The following FHIT variants were observed in gnomAD, a reference collection of about 807,000 sequenced individuals.
FHIT encodes fragile histidine triad diadenosine triphosphatase.
FHIT carries 19 observed loss-of-function variants against 17.9 expected under a neutral mutation model. That is an observed-to-expected ratio of 1.06 (90% CI 0.74 to 1.56). FHIT has a LOEUF of 1.56. Among genes scored for constraint, FHIT ranks in the 40% most tolerant of loss-of-function variants. FHIT has a pLI of 0.00. For synonymous variants in FHIT, 81 were observed against 69.7 expected (o/e 1.16, Z -0.81); for missense variants, 248 against 189.2 (o/e 1.31, Z -1.82).
At chr3:61,235,431 A>G (rs1291475641) in intron 1 of FHIT, among the ~76,000 whole-genome samples, 2 of 152,220 alleles carry the variant, frequency 1.3e-5, no homozygotes, top group African/African-American at 2.4e-5. Context: ...CTAATTTAAA[A>G]AAAAAAAGTA....
At chr3:60,492,253 A>G (rs1229326055) in intron 5 of FHIT, among the ~76,000 whole-genome samples, 1 of 152,214 alleles carries the variant, frequency 6.6e-6, no homozygotes, top group African/African-American at 2.4e-5. Context: ...AACAGTAGCT[A>G]TCTGAAAATA....
intron 5 of FHIT, among the ~76,000 whole-genome samples, chr3:60,196,744 T>G (rs1268953599): frequency 6.6e-6 from 1 of 151,994 alleles, no homozygotes; most frequent in South Asian, 2.1e-4. Flanking sequence ...TACACATATA[T>G]ACATGCACAC....
chr3:59,839,360 T>C (rs1171375981), intron 8 of FHIT, among the ~76,000 whole-genome samples: 1 of 151,540 alleles, frequency 6.6e-6, no homozygotes, highest in Non-Finnish European at 1.5e-5. Context: ...GAAAACCACC[T>C]CTTATCATTA....
intron 8 of FHIT, among the ~76,000 whole-genome samples, chr3:59,894,663 T>C (rs531814199): frequency 6.6e-6 from 1 of 152,280 alleles, no homozygotes; most frequent in South Asian, 2.1e-4. Context: ...TTCTGTAGTA[T>C]GTTTGGACCG....
intron 5 of FHIT, among the ~76,000 whole-genome samples, chr3:60,058,028 G>A (rs931274648): frequency 6.6e-6 from 1 of 151,122 alleles, no homozygotes; most frequent in African/African-American, 2.4e-5. Flanking sequence ...GAATAGGCAA[G>A]CTTACAGAGA....
At chr3:60,036,697 A>G (rs948691031) in intron 5 of FHIT, among the ~76,000 whole-genome samples, 8 of 152,264 alleles carry the variant, frequency 5.3e-5, no homozygotes, top group African/African-American at 1.9e-4. Flanking sequence ...TCCTTTACAT[A>G]GCTGTATTCA....
rs1700725620 is a variant in FHIT at position 59,748,719 on chromosome 3, G to A, written c.*866C>T. Among the ~76,000 whole-genome samples, 1 of 152,118 alleles carries A rather than the reference G, an allele frequency of 6.6e-6. No homozygotes were observed. Among genetic ancestry groups the A allele is most frequent in the South Asian group, 2.1e-4 (1 of 4,822 alleles). On this transcript the variant is annotated 3_prime_UTR_variant, in exon 10 of 10. Transcript: ENST00000492590. Reference sequence around the variant, plus strand: ...GCAAGGAGGGCAGTACACAGACTAAGAGAATGGCCTTTAGGGTGGGACTGC... The same window carrying A: ...GCAAGGAGGGCAGTACACAGACTAAAAGAATGGCCTTTAGGGTGGGACTGC...
intron 3 of FHIT, among the ~76,000 whole-genome samples, chr3:60,916,208 C>A (rs1455889337): frequency 6.6e-6 from 1 of 152,114 alleles, no homozygotes; most frequent in Non-Finnish European, 1.5e-5. Context: ...AAATGCAATG[C>A]CATGGCGAAT....
chr3:60,320,801 G>A (rs1459403705), intron 5 of FHIT, among the ~76,000 whole-genome samples: 1 of 151,992 alleles, frequency 6.6e-6, no homozygotes, highest in Non-Finnish European at 1.5e-5. Context: ...TTGAAATGGA[G>A]GAACATATTA....
chr3:60,422,654 A>G (rs1199981054), intron 5 of FHIT, among the ~76,000 whole-genome samples: 1 of 152,148 alleles, frequency 6.6e-6, no homozygotes, highest in Non-Finnish European at 1.5e-5. Flanking sequence ...TGTTAGACAT[A>G]AAAATGGCTT....
intron 2 of FHIT, among the ~76,000 whole-genome samples, chr3:61,150,705 AG>A (rs1358991922): frequency 6.6e-6 from 1 of 152,222 alleles, no homozygotes; most frequent in Non-Finnish European, 1.5e-5. Context: ...TTTAAACTGA[AG>A]GAATAATGTA....
Position 59,750,668 on chromosome 3 carries a change from A to C in FHIT, c.*6-1089T>G, listed in dbSNP as rs932424767. 5 of 220,410 alleles carry C rather than the reference A, an allele frequency of 2.3e-5. No individual in the cohort carries two copies. In the East Asian group the frequency reaches 3.3e-4, roughly 15 times the overall value. 13.7% of individuals were successfully genotyped at this position (220,410 alleles called of 1,614,324 possible). ...AAGCTTTCTAGAATGCAAGGATCTGAGTACAACACCATATTTGAACAACAA... is the reference window on the plus strand; with the variant it reads ...AAGCTTTCTAGAATGCAAGGATCTGCGTACAACACCATATTTGAACAACAA... On this transcript the variant is annotated intron_variant, in intron 9 of 9. Transcript: ENST00000492590.
intron 5 of FHIT, among the ~76,000 whole-genome samples, chr3:60,065,106 T>C (rs1702446653): frequency 6.6e-6 from 1 of 152,060 alleles, no homozygotes; most frequent in African/African-American, 2.4e-5. Flanking sequence ...CAAAGAGCAA[T>C]CAACTCACAA....
chr3:60,427,983 G>T (rs1702736818), intron 5 of FHIT, among the ~76,000 whole-genome samples: 1 of 151,990 alleles, frequency 6.6e-6, no homozygotes, highest in Non-Finnish European at 1.5e-5. Context: ...CCAATAATTG[G>T]CCAACTCCTG....
intron 8 of FHIT, among the ~76,000 whole-genome samples, chr3:59,792,308 T>C (rs1697980992): frequency 6.6e-6 from 1 of 152,132 alleles, no homozygotes; most frequent in African/African-American, 2.4e-5. Context: ...AAGAAACAGA[T>C]GATGCAAAAT....
At chr3:60,494,293 G>C (rs1244801913) in intron 5 of FHIT, among the ~76,000 whole-genome samples, 1 of 152,052 alleles carries the variant, frequency 6.6e-6, no homozygotes, top group East Asian at 1.9e-4. Context: ...CACATAAATT[G>C]TATCACATAA....
intron 4 of FHIT, among the ~76,000 whole-genome samples, chr3:60,649,116 G>A (rs1483748615): frequency 5.9e-5 from 9 of 152,088 alleles, no homozygotes; most frequent in African/African-American, 1.9e-4. Flanking sequence ...TCTTCATTGC[G>A]GCCGGGCGCG....
intron 5 of FHIT, among the ~76,000 whole-genome samples, chr3:60,214,405 G>A (rs1703601003): frequency 6.6e-6 from 1 of 152,060 alleles, no homozygotes; most frequent in African/African-American, 2.4e-5. Context: ...AAAAAGCATA[G>A]TATTCTATGC....
chr3:60,197,724 T>C (rs1448843585), intron 5 of FHIT, among the ~76,000 whole-genome samples: 1 of 152,212 alleles, frequency 6.6e-6, no homozygotes, highest in African/African-American at 2.4e-5. Context: ...CTTCTTTGTA[T>C]TGACTGGAAA....
Sources: gnomAD v4.1 joint callset for allele counts (sites outside exome capture counted in the v4.1 genomes callset) on GRCh38, gnomAD v4.1.1 for gene constraint, MANE v1.5 for transcripts, NCBI Gene and HGNC (gene_info 2026-07-23, HGNC 2026-07-21) for gene names.